LTBP1: variants seen among roughly 807,000 people sequenced by gnomAD.
LTBP1 encodes the protein latent-transforming growth factor beta-binding protein 1.
In LTBP1, 129 loss-of-function variants were observed where a neutral mutation model predicts 207.6. That is an observed-to-expected ratio of 0.62 (90% CI 0.54 to 0.72). The LOEUF is 0.72. LTBP1 is among the 30% of genes least tolerant of loss of function. The pLI, the probability that LTBP1 is intolerant of heterozygous loss-of-function variation, is 0.00. For missense variants in LTBP1, 2,281 were observed against 2,217.2 expected, an observed-to-expected ratio of 1.03 and a Z score of -0.58; for synonymous variants, 963 against 833.7, an observed-to-expected ratio of 1.16 and a Z score of -2.67.
chr2:32,973,435 T>A (rs1572890734), intron 2 of LTBP1, among the ~76,000 whole-genome samples: 1 of 152,188 alleles, frequency 6.6e-6, no homozygotes, highest in African/African-American at 2.4e-5. Context: ...TCTTTTTATA[T>A]TTTTATTTTT....
In LTBP1 at chr2:33,113,712, T is replaced by A. The variant is rs190788665; in HGVS notation, c.1033+2961T>A. On this transcript the variant is annotated intron_variant, in intron 4 of 33. Coordinates refer to ENST00000404816, the MANE Select transcript of LTBP1 (RefSeq NM_206943.4). The stretch of plus-strand genomic sequence containing the variant: ...TCATTGGTAAAGGATATCTCTTTTT[T>A]TTCCCAGCTTCTTTTCAAAGTTCAT... Among the ~76,000 whole-genome samples the A allele has an allele frequency of 2.4e-3, 365 of 152,352 alleles. 2 individuals are homozygous for A. The highest frequency in any genetic ancestry group is 2.7e-3 in the Non-Finnish European group (181 of 68,030).
chr2:33,310,817 A>G (rs1178578045), intron 23 of LTBP1, among the ~76,000 whole-genome samples: 1 of 152,118 alleles, frequency 6.6e-6, no homozygotes, highest in Non-Finnish European at 1.5e-5. Context: ...GCTTTCCTCT[A>G]TTTACTAGTG....
At chr2:33,052,646 A>T (rs1177146572) in intron 3 of LTBP1, among the ~76,000 whole-genome samples, 2 of 152,198 alleles carry the variant, frequency 1.3e-5, no homozygotes, top group Non-Finnish European at 2.9e-5. Context: ...TCCTAAGGGA[A>T]ATTGGTTTAT....
At chr2:33,184,197 G>T (rs74590424) in intron 5 of LTBP1, among the ~76,000 whole-genome samples, 4 of 151,836 alleles carry the variant, frequency 2.6e-5, no homozygotes, top group South Asian at 2.1e-4. Context: ...AGCTAATCCC[G>T]CATGCCATCA....
At chr2:33,022,471 A>ACTCTTTTAAACACTT (rs1327967974) in intron 3 of LTBP1, among the ~76,000 whole-genome samples, 1 of 151,936 alleles carries the variant, frequency 6.6e-6, no homozygotes, top group Non-Finnish European at 1.5e-5. Context: ...TGTGCCAGGT[A>ACTCTTTTAAACACTT]CTCTTTTAAA....
At position 33,397,557 on chromosome 2, in the gene LTBP1, G is replaced by C. The variant is rs150523476; in HGVS notation, c.4984+275G>C. Among the ~76,000 whole-genome samples, 443 of 140,312 alleles carry C rather than the reference G, an allele frequency of 3.2e-3. 1 individual carries two copies. The highest frequency in any genetic ancestry group is 4.1e-3 in the Admixed American group (53 of 12,788). 92.1% of individuals were successfully genotyped at this position (140,312 alleles called of 152,430 possible). On this transcript the variant is annotated intron_variant, in intron 33 of 33. Transcript: ENST00000404816. ...AGTTTTACTCTTGTCGCCCAGGCTG[G>C]AGTGCAGTGGGGTGATCTTGACTCA...
chr2:33,267,411 C>T (rs1272354564), intron 15 of LTBP1, among the ~76,000 whole-genome samples: 1 of 152,144 alleles, frequency 6.6e-6, no homozygotes, highest in African/African-American at 2.4e-5. Flanking sequence ...AGTGATACCC[C>T]AAGGATCCTG....
chr2:33,284,753 C>T (rs1193244565), intron 19 of LTBP1, among the ~76,000 whole-genome samples: 2 of 152,112 alleles, frequency 1.3e-5, no homozygotes, highest in Admixed American at 1.3e-4. Flanking sequence ...ATGTAGAGAT[C>T]TTAGTTCCCT....
intron 15 of LTBP1, among the ~76,000 whole-genome samples, chr2:33,270,798 A>G (rs578079874): frequency 3.3e-5 from 5 of 152,086 alleles, no homozygotes; most frequent in Non-Finnish European, 7.3e-5. Flanking sequence ...ATTTTCTTAC[A>G]TGTAACGTGA....
chr2:33,225,678 A>G (rs1290578044), intron 9 of LTBP1, among the ~76,000 whole-genome samples: 2 of 152,188 alleles, frequency 1.3e-5, no homozygotes, highest in Admixed American at 6.5e-5. Flanking sequence ...GATACAGCCA[A>G]ATGATATCAG....
chr2:33,305,254 G>A (rs2094068430), intron 22 of LTBP1, among the ~76,000 whole-genome samples: 1 of 152,172 alleles, frequency 6.6e-6, no homozygotes, highest in African/African-American at 2.4e-5. Flanking sequence ...AACCCAGGAG[G>A]CAGAGGTTGC....
intron 24 of LTBP1, among the ~76,000 whole-genome samples, chr2:33,322,962 A>G (rs1157735651): frequency 1.3e-5 from 2 of 151,944 alleles, no homozygotes; most frequent in Non-Finnish European, 1.5e-5. Flanking sequence ...GTCACACTCC[A>G]TTGCTAGACT....
chr2:33,262,087 A>G (rs1057010209), intron 13 of LTBP1, among the ~76,000 whole-genome samples: 5 of 152,194 alleles, frequency 3.3e-5, no homozygotes, highest in African/African-American at 9.6e-5. Context: ...CTTGAGGTCC[A>G]GGGGACAAGC....
At chr2:33,175,508 A>G (rs916480330) in intron 5 of LTBP1, among the ~76,000 whole-genome samples, 6 of 152,286 alleles carry the variant, frequency 3.9e-5, no homozygotes, top group East Asian at 1.9e-4. Flanking sequence ...GAAACAACAG[A>G]TGCTGGAGAG....
Position 33,001,455 on chromosome 2 carries a change from A to T in LTBP1, c.566-19454A>T, listed in dbSNP as rs763008515. On this transcript the variant is annotated intron_variant, in intron 2 of 33. Coordinates refer to ENST00000404816, the MANE Select transcript of LTBP1 (RefSeq NM_206943.4). ...TGCTGCTGGTCTGGTGACCACACCTAGAACAACTGCCTTAAGATTAAATAA... is the reference window on the plus strand; with the variant it reads ...TGCTGCTGGTCTGGTGACCACACCTTGAACAACTGCCTTAAGATTAAATAA... Among the ~76,000 whole-genome samples, 26 of 135,122 alleles carry T rather than the reference A, an allele frequency of 1.9e-4. 5 individuals are homozygous for T. Among genetic ancestry groups the T allele is most frequent in the Non-Finnish European group, 8.1e-5 (5 of 61,466 alleles). The allele number at this position is 135,122 out of a possible 152,430, so 88.6% of individuals were successfully genotyped here.
intron 26 of LTBP1, among the ~76,000 whole-genome samples, chr2:33,351,632 T>C (rs1439007488): frequency 6.6e-6 from 1 of 152,176 alleles, no homozygotes. Flanking sequence ...AATCAGGCCC[T>C]CTGACTTTTC....
At chr2:33,095,291 G>A (rs1348124815) in intron 3 of LTBP1, among the ~76,000 whole-genome samples, 1 of 152,108 alleles carries the variant, frequency 6.6e-6, no homozygotes, top group Non-Finnish European at 1.5e-5. Flanking sequence ...TTGGAGGGAA[G>A]TTAACTAAAG....
chr2:33,360,532 C>A, intron 26 of LTBP1, 65 bp from the exon 27 acceptor site: 1 of 1,045,784 alleles, frequency 9.6e-7, no homozygotes, highest in East Asian at 2.4e-5. Context: ...ATTGCATTCT[C>A]TACTTGTTGT....
At chr2:33,218,590 T>C (rs1269272445) in intron 8 of LTBP1, among the ~76,000 whole-genome samples, 1 of 152,080 alleles carries the variant, frequency 6.6e-6, no homozygotes, top group African/African-American at 2.4e-5. Context: ...AGAGATGGGG[T>C]TTCACCATGT....
Sources: gnomAD v4.1 joint callset for allele counts (sites outside exome capture counted in the v4.1 genomes callset) on GRCh38, gnomAD v4.1.1 for gene constraint, MANE v1.5 for transcripts, NCBI Gene and HGNC (gene_info 2026-07-23, HGNC 2026-07-21) for gene names.